Variants in PRR23C observed in about 807,000 individuals in gnomAD.
PRR23C encodes proline rich 23C, also known as proline-rich protein 23C.
PRR23C carries 1 observed loss-of-function variant against 0.1 expected under a neutral mutation model. The observed-to-expected ratio is 6.80, with a 90% CI of 2.41 to 32.24. The LOEUF (loss-of-function observed/expected upper bound fraction) is 32.24. Among genes scored for constraint, PRR23C ranks in the 30% most tolerant of loss-of-function variants. The pLI, the probability that PRR23C is intolerant of heterozygous loss-of-function variation, is 0.11. For missense variants in PRR23C, 361 were observed against 370.4 expected (o/e 0.97, Z 0.21); for synonymous variants, 172 against 168.1 (o/e 1.02, Z -0.18).
chr3:139,044,580 G>A lies in PRR23C; in HGVS notation c.41C>T (p.Pro14Leu). ...TCCTCCTGGCTGCTGTCCCCACCAG[G>A]GCGCAAGGCAGGCGCTGGGGCTGCA... ...RPCSPSACLAPWWGQQPGGPG... is the reference protein window; with the variant it reads ...RPCSPSACLALWWGQQPGGPG... Residue 14 changes from proline to leucine, a missense_variant, in exon 1 of 1, where the codon CCC (proline) becomes CTC (leucine). By Grantham distance (98) the Pro-to-Leu change is moderately conservative. Transcript: ENST00000413199. This position sits in a 1 kb window ranked among gnomAD's most constrained non-coding sequence, Gnocchi z 7.5. The A allele has an allele frequency of 6.5e-7, 1 of 1,537,238 alleles. No individual in the cohort carries two copies. The highest frequency in any genetic ancestry group is 1.2e-5 in the South Asian group (1 of 83,726).
Position 139,043,910 on chromosome 3 carries a change from C to T in PRR23C, c.711G>A (p.Pro237=), listed in dbSNP as rs1204256581. ...SSPLQPLPPS[P]SPGPHARPEL... ...CCGGGCGCGCGTGGGGACCTGGACTCGGAGAGGGAGGTAGAGGTTGGAGAG... is the reference window on the plus strand; with the variant it reads ...CCGGGCGCGCGTGGGGACCTGGACTTGGAGAGGGAGGTAGAGGTTGGAGAG... Residue 237 remains proline (P), a synonymous_variant, in exon 1 of 1, where the codon CCG becomes CCA. Coordinates refer to ENST00000413199, the MANE Select transcript of PRR23C (RefSeq NM_001134657.1). 2.5e-6 allele frequency: 4 copies of T among 1,593,672 alleles called. No homozygotes were observed. The highest frequency in any genetic ancestry group is 2.3e-5 in the South Asian group (2 of 88,120).
Position 139,043,078 on chromosome 3 carries a change from C to A in PRR23C, c.*754G>T, listed in dbSNP as rs1937158493. 1 of 151,660 alleles carries A rather than the reference C, an allele frequency of 6.6e-6. No homozygotes were observed. Among genetic ancestry groups the A allele is most frequent in the Non-Finnish European group, 1.5e-5 (1 of 68,052 alleles). 9.4% of individuals were successfully genotyped at this position (151,660 alleles called of 1,614,324 possible). On this transcript the variant is annotated 3_prime_UTR_variant, in exon 1 of 1. Transcript: ENST00000413199. ...AAAACAAACAAACAAACAACACACA[C>A]ACACATACACACACAGAGTCTTAGA...
In PRR23C at chr3:139,044,561, T is replaced by C. The variant is rs2107776127; in HGVS notation, c.60A>G (p.Pro20=). The part of the protein sequence containing the change: ...ACLAPWWGQQ[P]GGPGPAKRSR... The stretch of plus-strand genomic sequence containing the variant: ...TGCGCTTGGCAGGGCCTGGTCCTCC[T>C]GGCTGCTGTCCCCACCAGGGCGCAA... Residue 20 remains proline (P), a synonymous_variant, in exon 1 of 1, where the codon CCA becomes CCG. Transcript: ENST00000413199. The surrounding 1 kb of genome is among the most constrained non-coding windows in gnomAD (Gnocchi z 7.5). The C allele has an allele frequency of 1.4e-5, 22 of 1,541,572 alleles. No individual in the cohort carries two copies. The highest frequency in any genetic ancestry group is 2.2e-4 in the Middle Eastern group (1 of 4,538).
Position 139,044,406 on chromosome 3 carries a change from G to C in PRR23C, c.215C>G (p.Pro72Arg). 6.4e-7 allele frequency: 1 copy of C among 1,568,766 alleles called. No homozygotes were observed. Among genetic ancestry groups the C allele is most frequent in the Non-Finnish European group, 8.6e-7 (1 of 1,157,678 alleles). Residue 72 changes from proline (P) to arginine (R), a missense_variant, in exon 1 of 1, where the codon CCC becomes CGC. Transcript: ENST00000413199. The surrounding 1 kb of genome is among the most constrained non-coding windows in gnomAD (Gnocchi z 7.5). ...VLDAGCALRVPLEDVDLVLEL... is the reference protein window; with the variant it reads ...VLDAGCALRVRLEDVDLVLEL... The stretch of plus-strand genomic sequence containing the variant: ...CAGCACCAGGTCGACGTCCTCCAGG[G>C]GCACACGCAGGGCACAGCCCGCGTC...
Position 139,044,272 on chromosome 3 carries a change from C to T in PRR23C, c.349G>A (p.Asp117Asn), listed in dbSNP as rs150868202. ...TCCACTTCCAGGCCGGCAGACCAGTCGCCCTGCGCTCCTGAGCATTCGTCG... is the reference window on the plus strand; with the variant it reads ...TCCACTTCCAGGCCGGCAGACCAGTTGCCCTGCGCTCCTGAGCATTCGTCG... ...SVDECSGAQG[D>N]WSAGLEVDVF... The change falls in exon 1 of 1, where the codon GAC (aspartate) becomes AAC (asparagine). Residue 117 changes from aspartate (D) to asparagine (N), a missense_variant. By Grantham distance (23) the Asp-to-Asn change is conservative. Transcript: ENST00000413199. The surrounding 1 kb of genome is among the most constrained non-coding windows in gnomAD (Gnocchi z 7.5). The T allele has an allele frequency of 3.0e-5, 49 of 1,608,710 alleles. No homozygotes were observed. Among genetic ancestry groups the T allele is most frequent in the Non-Finnish European group, 3.9e-5 (46 of 1,177,588 alleles).
Position 139,043,996 on chromosome 3 carries a change from G to C in PRR23C, c.625C>G (p.Arg209Gly). Residue 209 changes from arginine to glycine, a missense_variant, in exon 1 of 1, where the codon CGC becomes GGC. Transcript: ENST00000413199. Reference protein sequence around the residue: ...ALAPNPSSERRSPRPIFDLEF... With the variant: ...ALAPNPSSERGSPRPIFDLEF... ...AGGTCGAAGATGGGGCGTGGAGAGC[G>C]TCTCTCTGAACTGGGGTTGGGGGCC... 4 of 1,612,490 alleles carry C rather than the reference G, an allele frequency of 2.5e-6. No homozygotes were observed. Among genetic ancestry groups the C allele is most frequent in the South Asian group, 1.1e-5 (1 of 90,734 alleles).
Position 139,043,516 on chromosome 3 carries a change from CA to C in PRR23C, c.*315del, listed in dbSNP as rs1937162889. On this transcript the variant is annotated 3_prime_UTR_variant, in exon 1 of 1. Coordinates refer to ENST00000413199, the MANE Select transcript of PRR23C (RefSeq NM_001134657.1). ...AGAGAAATGTGCTGGAACTGAGGTT[CA>C]AAGCAAAACCAGGGGGAATGGAGCT... The C allele has an allele frequency of 4.5e-6, 1 of 223,084 alleles. No individual in the cohort carries two copies. The highest frequency in any genetic ancestry group is 2.3e-5 in the African/African-American group (1 of 43,892). 13.8% of individuals were successfully genotyped at this position (223,084 alleles called of 1,614,324 possible).
rs1394992390 is a variant in PRR23C at position 139,043,782 on chromosome 3, A to C, written c.*50T>G. The stretch of plus-strand genomic sequence containing the variant: ...CAACATACACACAACGGCTATCAGG[A>C]GACGGTCTCCTGGAGCCCAGCAGGG... On this transcript the variant is annotated 3_prime_UTR_variant, in exon 1 of 1. Coordinates refer to ENST00000413199, the MANE Select transcript of PRR23C (RefSeq NM_001134657.1). 6.9e-7 allele frequency: 1 copy of C among 1,453,876 alleles called. No individual in the cohort carries two copies. Among genetic ancestry groups the C allele is most frequent in the Non-Finnish European group, 9.1e-7 (1 of 1,094,934 alleles). 90.1% of individuals were successfully genotyped at this position (1,453,876 alleles called of 1,614,324 possible).
chr3:139,044,153 C>G lies in PRR23C; in HGVS notation c.468G>C (p.Glu156Asp). ...CCGGGAACTCAGAGTCCGCGTCCTCCTCGTAGGCCTCTTCCTCGGCAGCGA... is the reference window on the plus strand; with the variant it reads ...CCGGGAACTCAGAGTCCGCGTCCTCGTCGTAGGCCTCTTCCTCGGCAGCGA... ...PEIAAEEEAY[E>D]EDADSEFPEL... The change falls in exon 1 of 1, where the codon GAG becomes GAC. Residue 156 changes from glutamate to aspartate, a missense_variant. Glu to Asp is a conservative substitution (Grantham distance 45). Transcript: ENST00000413199. This position sits in a 1 kb window ranked among gnomAD's most constrained non-coding sequence, Gnocchi z 7.5. 6.2e-7 allele frequency: 1 copy of G among 1,613,244 alleles called. No homozygotes were observed. Among genetic ancestry groups the G allele is most frequent in the Non-Finnish European group, 8.5e-7 (1 of 1,179,590 alleles).
chr3:139,042,831 C>T lies in PRR23C; in HGVS notation c.*1001G>A, dbSNP rs974114436. The T allele has an allele frequency of 2.0e-5, 3 of 152,198 alleles. No individual in the cohort carries two copies. Among genetic ancestry groups the T allele is most frequent in the Non-Finnish European group, 2.9e-5 (2 of 68,062 alleles). The allele number at this position is 152,198 out of a possible 1,614,324, so 9.4% of individuals were successfully genotyped here. Reference sequence around the variant, plus strand: ...TTGGGAGGCTGAGGTGGATGGATCACCTGAAGTCAGGAGTTCGAGACCAGC... The same window carrying T: ...TTGGGAGGCTGAGGTGGATGGATCATCTGAAGTCAGGAGTTCGAGACCAGC... On this transcript the variant is annotated 3_prime_UTR_variant, in exon 1 of 1. Coordinates refer to ENST00000413199, the MANE Select transcript of PRR23C (RefSeq NM_001134657.1).
Position 139,044,344 on chromosome 3 carries a change from C to A in PRR23C, c.277G>T (p.Gly93Cys). 6.2e-7 allele frequency: 1 copy of A among 1,608,004 alleles called. No individual in the cohort carries two copies. The highest frequency in any genetic ancestry group is 8.5e-7 in the Non-Finnish European group (1 of 1,177,430). ...APMSVLRVSLGGHTLIVIPEV... is the reference protein window; with the variant it reads ...APMSVLRVSLCGHTLIVIPEV... ...GGGATCACGATGAGGGTGTGTCCAC[C>A]AAGAGACACTCGCAGGACCGACATT... is the stretch of plus-strand genomic sequence containing the variant. Residue 93 changes from glycine (G) to cysteine (C), a missense_variant, in exon 1 of 1, where the codon GGT becomes TGT. Coordinates refer to ENST00000413199, the MANE Select transcript of PRR23C (RefSeq NM_001134657.1). The surrounding 1 kb of genome is among the most constrained non-coding windows in gnomAD (Gnocchi z 7.5).
Position 139,044,665 on chromosome 3 carries a change from A to C in PRR23C, c.-45T>G, listed in dbSNP as rs1204741501. ...ACGGCGCTCCTGGGCCTGGCAGGGG[A>C]CGTGGGTGCGGGGGGCTCGGGGCGG... is the stretch of plus-strand genomic sequence containing the variant. On this transcript the variant is annotated 5_prime_UTR_variant, in exon 1 of 1. Coordinates refer to ENST00000413199, the MANE Select transcript of PRR23C (RefSeq NM_001134657.1). This position sits in a 1 kb window ranked among gnomAD's most constrained non-coding sequence, Gnocchi z 7.5. The C allele has an allele frequency of 1.4e-6, 2 of 1,447,322 alleles. No homozygotes were observed. Among genetic ancestry groups the C allele is most frequent in the East Asian group, 5.5e-5 (2 of 36,580 alleles). The allele number at this position is 1,447,322 out of a possible 1,614,324, so 89.7% of individuals were successfully genotyped here. A position where few individuals can be genotyped will look rare whatever the true frequency, so the allele number is the denominator to read the frequency against.
rs867691444 is a variant in PRR23C at position 139,044,352 on chromosome 3, A to G, written c.269T>C (p.Val90Ala). The change falls in exon 1 of 1, where the codon GTG becomes GCG. Residue 90 changes from valine (V) to alanine (A), a missense_variant. By Grantham distance (64) the Val-to-Ala change is moderately conservative. Transcript: ENST00000413199. The surrounding 1 kb of genome is among the most constrained non-coding windows in gnomAD (Gnocchi z 7.5). The stretch of plus-strand genomic sequence containing the variant: ...GATGAGGGTGTGTCCACCAAGAGAC[A>G]CTCGCAGGACCGACATTGGCGCGAG... ...LELAPMSVLR[V>A]SLGGHTLIVI... 1.9e-6 allele frequency: 3 copies of G among 1,605,082 alleles called. No individual in the cohort carries two copies.
chr3:139,043,847 G>A lies in PRR23C; in HGVS notation c.774C>T (p.Arg258=). 6.5e-7 allele frequency: 1 copy of A among 1,542,940 alleles called. No individual in the cohort carries two copies. The highest frequency in any genetic ancestry group is 1.4e-5 in the African/African-American group (1 of 72,862). ...PERPPCKVRR[R]LFQE ...GGGAGGCAACTCATTCCTGGAACAGGCGTCTTCGGACCTTGCACGGAGGGC... is the reference window on the plus strand; with the variant it reads ...GGGAGGCAACTCATTCCTGGAACAGACGTCTTCGGACCTTGCACGGAGGGC... The change falls in exon 1 of 1, where the codon CGC becomes CGT. Residue 258 remains arginine (R), a synonymous_variant. Transcript: ENST00000413199.
chr3:139,044,130 G>T lies in PRR23C; in HGVS notation c.491C>A (p.Pro164Gln). 6.2e-7 allele frequency: 1 copy of T among 1,612,760 alleles called. No individual in the cohort carries two copies. Among genetic ancestry groups the T allele is most frequent in the Non-Finnish European group, 8.5e-7 (1 of 1,179,362 alleles). The change falls in exon 1 of 1, where the codon CCG (proline) becomes CAG (glutamine). Residue 164 changes from proline to glutamine, a missense_variant. Pro to Gln is a moderately conservative substitution (Grantham distance 76). Coordinates refer to ENST00000413199, the MANE Select transcript of PRR23C (RefSeq NM_001134657.1). This position sits in a 1 kb window ranked among gnomAD's most constrained non-coding sequence, Gnocchi z 7.5. ...GGCTGCGGAGTCCATCCAGAGCTCC[G>T]GGAACTCAGAGTCCGCGTCCTCCTC... Reference protein sequence around the residue: ...AYEEDADSEFPELWMDSAAGS... With the variant: ...AYEEDADSEFQELWMDSAAGS...
In PRR23C at chr3:139,043,563, C is replaced by G; in HGVS notation, c.*269G>C. On this transcript the variant is annotated 3_prime_UTR_variant, in exon 1 of 1. Coordinates refer to ENST00000413199, the MANE Select transcript of PRR23C (RefSeq NM_001134657.1). ...GAGCTGCCTAGGGGTGACTTCCAAA[C>G]AAAACAGGCCCGAAGCAGCAATCTC... 1 of 334,218 alleles carries G rather than the reference C, an allele frequency of 3.0e-6. No individual in the cohort carries two copies. The highest frequency in any genetic ancestry group is 5.4e-6 in the Non-Finnish European group (1 of 184,702). The allele number at this position is 334,218 out of a possible 1,614,324, so 20.7% of individuals were successfully genotyped here. A position where few individuals can be genotyped will look rare whatever the true frequency, so the allele number is the denominator to read the frequency against.
chr3:139,044,048 C>T lies in PRR23C; in HGVS notation c.573G>A (p.Glu191=), dbSNP rs1464698643. 6 of 1,613,530 alleles carry T rather than the reference C, an allele frequency of 3.7e-6. No individual in the cohort carries two copies. The highest frequency in any genetic ancestry group is 4.2e-6 in the Non-Finnish European group (5 of 1,179,768). Residue 191 remains glutamate (E), a synonymous_variant, in exon 1 of 1, where the codon GAG becomes GAA. Coordinates refer to ENST00000413199, the MANE Select transcript of PRR23C (RefSeq NM_001134657.1). This position sits in a 1 kb window ranked among gnomAD's most constrained non-coding sequence, Gnocchi z 7.5. The part of the protein sequence containing the change: ...SARSMFSPYR[E]GPIRGPCALA... The stretch of plus-strand genomic sequence containing the variant: ...GAGCACAGGGCCCTCGGATGGGGCC[C>T]TCCCGGTAGGGGCTGAACATACTTC...
the PRR23C span, chr3:139,044,577 C>CA: frequency 6.5e-7 from 1 of 1,538,752 alleles, no homozygotes; most frequent in South Asian, 1.2e-5. This position sits in a 1 kb window ranked among gnomAD's most constrained non-coding sequence, Gnocchi z 7.5. Flanking sequence ...CTGTCCCCAC[C>CA]AGGGCGCAAG....
At position 139,044,594 on chromosome 3, in the gene PRR23C, G is replaced by T. The variant is rs1313500070; in HGVS notation, c.27C>A (p.Ser9Arg). 19 of 1,531,030 alleles carry T rather than the reference G, an allele frequency of 1.2e-5. No individual in the cohort carries two copies. Among genetic ancestry groups the T allele is most frequent in the Middle Eastern group, 2.2e-4 (1 of 4,482 alleles). The allele number at this position is 1,531,030 out of a possible 1,614,324, so 94.8% of individuals were successfully genotyped here. A position where few individuals can be genotyped will look rare whatever the true frequency, so the allele number is the denominator to read the frequency against. The change falls in exon 1 of 1, where the codon AGC becomes AGA. Residue 9 changes from serine to arginine, a missense_variant. Transcript: ENST00000413199. The surrounding 1 kb of genome is among the most constrained non-coding windows in gnomAD (Gnocchi z 7.5). The stretch of plus-strand genomic sequence containing the variant: ...GTCCCCACCAGGGCGCAAGGCAGGC[G>T]CTGGGGCTGCAGGGCCGGCTGCCCA... MGSRPCSP[S>R]ACLAPWWGQQ...
Sources: gnomAD v4.1 joint callset for allele counts on GRCh38, gnomAD v4.1.1 for gene constraint, Gnocchi (gnomAD v3.1) non-coding constraint, MANE v1.5 for transcripts, NCBI Gene and HGNC (gene_info 2026-07-23, HGNC 2026-07-21) for gene names.